Variants in MAP3K20 observed in about 807,000 individuals in gnomAD.
MAP3K20 encodes the protein mitogen-activated protein kinase kinase kinase 20.
Under a neutral mutation model 85.7 loss-of-function variants are expected in MAP3K20, and 40 were observed. The ratio of observed to expected loss-of-function variants is 0.47; its 90% confidence interval spans 0.36 to 0.61. The LOEUF (loss-of-function observed/expected upper bound fraction) is 0.61, where lower values mean the gene tolerates loss of function less well. Ranked by LOEUF, MAP3K20 falls within the 20% of genes least tolerant of loss-of-function variation. The pLI, the probability that MAP3K20 is intolerant of heterozygous loss-of-function variation, is 0.00. For missense variants in MAP3K20, 817 were observed against 961.7 expected (o/e 0.85, Z 1.99); for synonymous variants, 325 against 327.7 (o/e 0.99, Z 0.09).
At chr2:173,113,488 T>C (rs527775913) in intron 2 of MAP3K20, among the ~76,000 whole-genome samples, 3 of 152,180 alleles carry the variant, frequency 2.0e-5, no homozygotes, top group Non-Finnish European at 2.9e-5. Context: ...GACCTTAGAA[T>C]GTCAGTTTGT....
intron 2 of MAP3K20, chr2:173,166,329 G>A (rs1310606349): frequency 6.6e-6 from 1 of 152,122 alleles, no homozygotes; most frequent in East Asian, 1.9e-4. Context: ...CATTTTATCT[G>A]TCAGTTGATA....
intron 2 of MAP3K20, among the ~76,000 whole-genome samples, chr2:173,144,188 G>A (rs1188614658): frequency 7.2e-5 from 11 of 151,970 alleles, no homozygotes; most frequent in Non-Finnish European, 8.8e-5. Flanking sequence ...AGAAGGCCGG[G>A]TGTGGTGGCT....
chr2:173,191,063 G>A lies in MAP3K20; in HGVS notation c.468G>A (p.Arg156=). ...VLKICDFGAS[R]FHNHTTHMSL... ...AGATCTGTGACTTTGGTGCCTCTCGGTTCCATAACCATACAACACACATGT... is the reference window on the plus strand; with the variant it reads ...AGATCTGTGACTTTGGTGCCTCTCGATTCCATAACCATACAACACACATGT... Residue 156 remains arginine (R), a synonymous_variant, in exon 7 of 20, where the codon CGG becomes CGA. Coordinates refer to ENST00000375213, the MANE Select transcript of MAP3K20 (RefSeq NM_016653.3). 6.2e-7 allele frequency: 1 copy of A among 1,613,912 alleles called. No individual in the cohort carries two copies. The highest frequency in any genetic ancestry group is 8.5e-7 in the Non-Finnish European group (1 of 1,179,888).
intron 16 of MAP3K20, among the ~76,000 whole-genome samples, chr2:173,240,125 A>G (rs903131643): frequency 1.3e-5 from 2 of 152,224 alleles, no homozygotes; most frequent in African/African-American, 4.8e-5. Context: ...TGAAGTGTGA[A>G]AACTACTTTC....
At chr2:173,154,590 C>T (rs942192250) in intron 2 of MAP3K20, among the ~76,000 whole-genome samples, 2 of 152,154 alleles carry the variant, frequency 1.3e-5, no homozygotes, top group Non-Finnish European at 2.9e-5. Flanking sequence ...TGTTATGTGG[C>T]ATCTTGTTAA....
chr2:173,086,310 G>A (rs961244164), intron 1 of MAP3K20, among the ~76,000 whole-genome samples: 15 of 152,044 alleles, frequency 9.9e-5, no homozygotes, highest in Middle Eastern at 3.4e-3. Context: ...CATTCTTCTC[G>A]TCATAAATTG....
In MAP3K20 at chr2:173,201,799, C is replaced by T. The variant is rs539056991; in HGVS notation, c.670-1997C>T. On this transcript the variant is annotated intron_variant, in intron 8 of 19. Coordinates refer to ENST00000375213, the MANE Select transcript of MAP3K20 (RefSeq NM_016653.3). ...CTATTTTAAAGTACTTTTTAACGCACCAAAATAATCCATTGCATAAAGTGT... is the reference window on the plus strand; with the variant it reads ...CTATTTTAAAGTACTTTTTAACGCATCAAAATAATCCATTGCATAAAGTGT... 4.3e-4 allele frequency among the ~76,000 whole-genome samples: 65 copies of T among 152,252 alleles called. No homozygotes were observed. The South Asian group carries it at 7.5e-3, about 17-fold the overall frequency.
At chr2:173,239,345 C>A in intron 15 of MAP3K20, 59 bp from the exon 16 acceptor site, 2 of 1,347,652 alleles carry the variant, frequency 1.5e-6, no homozygotes, top group South Asian at 1.5e-5. Flanking sequence ...ATATCATCTT[C>A]TTTACATGAG....
chr2:173,157,359 A>G (rs1022782942), intron 2 of MAP3K20, among the ~76,000 whole-genome samples: 4 of 149,436 alleles, frequency 2.7e-5, no homozygotes, highest in African/African-American at 7.4e-5. Flanking sequence ...AACTAAAACT[A>G]TCTGCCAGCT....
At chr2:173,084,027 A>T (rs1001293261) in intron 1 of MAP3K20, among the ~76,000 whole-genome samples, 5 of 152,314 alleles carry the variant, frequency 3.3e-5, no homozygotes, top group African/African-American at 1.2e-4. Context: ...CACAAGATAG[A>T]AACATCCAGA....
rs200986698 is a variant in MAP3K20 at position 173,198,066 on chromosome 2, G to A, written c.623G>A (p.Gly208Asp). 316 of 1,613,084 alleles carry A rather than the reference G, an allele frequency of 2.0e-4. No individual in the cohort carries two copies. Among genetic ancestry groups the A allele is most frequent in the Non-Finnish European group, 2.6e-4 (301 of 1,179,364 alleles). Residue 208 changes from glycine (G) to aspartate (D), a missense_variant, in exon 8 of 20, where the codon GGT becomes GAT. This residue lies in a region of MAP3K20 where 200 missense variants were observed against 302.7 expected (regional missense o/e 0.66). Coordinates refer to ENST00000375213, the MANE Select transcript of MAP3K20 (RefSeq NM_016653.3). This position sits in a 1 kb window ranked among gnomAD's most constrained non-coding sequence, Gnocchi z 5.8. ...EMLTREVPFK[G>D]LEGLQVAWLV... ...CTAACAAGGGAGGTCCCCTTTAAAG[G>A]TTTGGAAGGATTACAAGTAGCTTGG...
At position 173,209,802 on chromosome 2, in the gene MAP3K20, G is replaced by A. The variant is rs1297522881; in HGVS notation, c.818G>A (p.Cys273Tyr). The change falls in exon 10 of 20, where the codon TGT (cysteine) becomes TAT (tyrosine). Residue 273 changes from cysteine to tyrosine, a missense_variant. By Grantham distance (194) the Cys-to-Tyr change is radical. This residue lies in a region of MAP3K20 where 158 missense variants were observed against 162.0 expected (regional missense o/e 0.98). Transcript: ENST00000375213. Reference sequence around the variant, plus strand: ...AATGACACGAGCCTTCCTGACAAGTGTAACTCATTCCTACACAACAAGGCG... The same window carrying A: ...AATGACACGAGCCTTCCTGACAAGTATAACTCATTCCTACACAACAAGGCG... The part of the protein sequence containing the change: ...MSNDTSLPDK[C>Y]NSFLHNKAEW... 15 of 1,614,152 alleles carry A rather than the reference G, an allele frequency of 9.3e-6. No individual in the cohort carries two copies. The highest frequency in any genetic ancestry group is 1.3e-5 in the Non-Finnish European group (15 of 1,180,014).
At chr2:173,209,440 A>AGTTT (rs1683804353) in intron 9 of MAP3K20, among the ~76,000 whole-genome samples, 2 of 152,330 alleles carry the variant, frequency 1.3e-5, no homozygotes, top group Admixed American at 1.3e-4. Context: ...AGAGAGAATT[A>AGTTT]GTTTTCTCCC....
chr2:173,083,357 T>A (rs977759187), intron 1 of MAP3K20, among the ~76,000 whole-genome samples: 4 of 151,842 alleles, frequency 2.6e-5, no homozygotes, highest in Non-Finnish European at 5.9e-5. Context: ...TTTTTTTATT[T>A]TTTATTTTTT....
At chr2:173,125,640 C>T (rs577652724) in intron 2 of MAP3K20, among the ~76,000 whole-genome samples, 8 of 151,988 alleles carry the variant, frequency 5.3e-5, no homozygotes, top group Non-Finnish European at 5.9e-5. Context: ...TCTCAGTAGG[C>T]TTTCTTTTCT....
chr2:173,089,372 A>G (rs950166368), intron 1 of MAP3K20, among the ~76,000 whole-genome samples: 1 of 152,184 alleles, frequency 6.6e-6, no homozygotes, highest in Admixed American at 6.5e-5. Flanking sequence ...AGTAAATTAT[A>G]GACATCATAC....
chr2:173,136,504 AAAG>A (rs1249868647), intron 2 of MAP3K20, among the ~76,000 whole-genome samples: 1 of 152,200 alleles, frequency 6.6e-6, no homozygotes, highest in Non-Finnish European at 1.5e-5. Flanking sequence ...ACAGAGAAGG[AAAG>A]AAGCAGAGGG....
At chr2:173,126,251 G>A (rs980030471) in intron 2 of MAP3K20, among the ~76,000 whole-genome samples, 2 of 152,058 alleles carry the variant, frequency 1.3e-5, no homozygotes, top group Non-Finnish European at 2.9e-5. Context: ...ATATAGTTGC[G>A]GCAGAGAAAA....
rs1684543191 is a variant in MAP3K20, at chr2:173,232,392, T to A, written c.1136T>A (p.Leu379Gln). ...KENNITGKRL[L>Q]LLEEEDLKDM... Reference sequence around the variant, plus strand: ...AACAACATTACAGGGAAGCGGCTGCTGCTGCTGGAGGAAGAAGACCTGAAA... The same window carrying A: ...AACAACATTACAGGGAAGCGGCTGCAGCTGCTGGAGGAAGAAGACCTGAAA... The change falls in exon 14 of 20, where the codon CTG (leucine) becomes CAG (glutamine). Residue 379 changes from leucine (L) to glutamine (Q), a missense_variant. Around this residue, in one of 4 missense-constraint regions of MAP3K20, gnomAD observed 158 missense variants for 162.0 expected, o/e 0.98. Coordinates refer to ENST00000375213, the MANE Select transcript of MAP3K20 (RefSeq NM_016653.3). 1 of 1,614,272 alleles carries A rather than the reference T, an allele frequency of 6.2e-7. No individual in the cohort carries two copies.
Sources: allele counts gnomAD v4.1 joint callset (sites outside exome capture counted in the v4.1 genomes callset), GRCh38; gene constraint gnomAD v4.1.1; regional missense constraint gnomAD v4.1.1; non-coding constraint Gnocchi (gnomAD v3.1); transcripts MANE v1.5; gene names NCBI Gene and HGNC (gene_info 2026-07-23, HGNC 2026-07-21).